CCDC88A: variants seen among roughly 807,000 people sequenced by gnomAD.
CCDC88A encodes the protein girdin.
CCDC88A carries 54 observed loss-of-function variants against 234.3 expected under a neutral mutation model. The ratio of observed to expected loss-of-function variants is 0.23; its 90% CI spans 0.19 to 0.29. CCDC88A has a LOEUF of 0.29. Ranked by LOEUF, CCDC88A falls within the 10% of genes least tolerant of loss-of-function variation. The pLI is 1.00. For synonymous variants in CCDC88A, 753 were observed against 737.8 expected, an observed-to-expected ratio of 1.02 and a Z score of -0.33; for missense variants, 1,832 against 2,123.4, an observed-to-expected ratio of 0.86 and a Z score of 2.70.
At chr2:55,315,295 C>T (rs9309264) in intron 22 of CCDC88A, 9,784 of 152,226 alleles carry the variant, frequency 0.064, 994 homozygotes, top group African/African-American at 0.21. Context: ...CTACCAGGCA[C>T]AGGAACCAGG....
At chr2:55,293,348 A>T (rs1279265727) in intron 31 of CCDC88A, among the ~76,000 whole-genome samples, 1 of 152,204 alleles carries the variant, frequency 6.6e-6, no homozygotes, top group Non-Finnish European at 1.5e-5. Flanking sequence ...ACAAAAGGGA[A>T]AATATTAGCA....
In CCDC88A at chr2:55,319,015, A is replaced by C. The variant is rs916527928; in HGVS notation, c.3163-11T>G. ...TTGCAGTGTAGCATTCTTGAAAAAC[A>C]AAAACCAAAACCAAACATATTAACA... On this transcript the variant is annotated splice_polypyrimidine_tract_variant and intron_variant, in intron 18 of 32. Coordinates refer to ENST00000436346, the MANE Select transcript of CCDC88A (RefSeq NM_001365480.1). 13 of 1,607,580 alleles carry C rather than the reference A, an allele frequency of 8.1e-6. No homozygotes were observed. Among genetic ancestry groups the C allele is most frequent in the Middle Eastern group, 1.7e-4 (1 of 6,028 alleles).
intron 28 of CCDC88A, chr2:55,300,574 A>T (rs1356066732): frequency 6.6e-6 from 1 of 152,476 alleles, no homozygotes. Flanking sequence ...GCAATGACAC[A>T]ATCTTGGCTC....
In CCDC88A at chr2:55,288,323, T is replaced by TAA. The variant is rs1679207976; in HGVS notation, c.*2875_*2876dup. ...GCTCCTTTTGTATTCATTCAAGACTTAAAGAAAAAATACATCTCAGGACTA... is the reference window on the plus strand; with the variant it reads ...GCTCCTTTTGTATTCATTCAAGACTTAAAAAGAAAAAATACATCTCAGGACTA... On this transcript the variant is annotated 3_prime_UTR_variant, in exon 33 of 33. Coordinates refer to ENST00000436346, the MANE Select transcript of CCDC88A (RefSeq NM_001365480.1). 6.6e-6 allele frequency: 1 copy of TAA among 152,494 alleles called. No homozygotes were observed. The highest frequency in any genetic ancestry group is 1.5e-5 in the Non-Finnish European group (1 of 67,978). The allele number at this position is 152,494 out of a possible 1,614,324, so 9.4% of individuals were successfully genotyped here. A position where few individuals can be genotyped will look rare whatever the true frequency, so the allele number is the denominator to read the frequency against.
At chr2:55,399,013 A>T (rs987091110) in intron 2 of CCDC88A, among the ~76,000 whole-genome samples, 22 of 152,212 alleles carry the variant, frequency 1.4e-4, no homozygotes, top group African/African-American at 5.1e-4. Context: ...TAAATATTAT[A>T]TAGTTATAAT....
At chr2:55,384,545 A>G (rs74197634) in intron 3 of CCDC88A, among the ~76,000 whole-genome samples, 809 of 31,300 alleles carry the variant, frequency 0.026, 140 homozygotes, top group East Asian at 0.053. Flanking sequence ...ATATACGTAT[A>G]TATGTGTATA....
Position 55,334,394 on chromosome 2 carries a change from T to A in CCDC88A, c.2427A>T (p.Arg809Ser), listed in dbSNP as rs751536746. Residue 809 changes from arginine (R) to serine (S), a missense_variant, in exon 15 of 33, where the codon AGA (arginine) becomes AGT (serine). Physicochemically the swap from Arg to Ser is moderately radical, Grantham distance 110. Coordinates refer to ENST00000436346, the MANE Select transcript of CCDC88A (RefSeq NM_001365480.1). This position sits in a 1 kb window ranked among gnomAD's most constrained non-coding sequence, Gnocchi z 6.1. ...NLEELKISSK[R>S]LEQLEKENKS... is the part of the protein sequence containing the mutation. ...TATTTTCTTTTTCCAGCTGTTCTAGTCTTTTGCTAGATATTTTTAGTTCTT... is the reference window on the plus strand; with the variant it reads ...TATTTTCTTTTTCCAGCTGTTCTAGACTTTTGCTAGATATTTTTAGTTCTT... 5 of 1,579,052 alleles carry A rather than the reference T, an allele frequency of 3.2e-6. No homozygotes were observed. Among genetic ancestry groups the A allele is most frequent in the Non-Finnish European group, 4.3e-6 (5 of 1,170,826 alleles).
At chr2:55,352,982 A>C (rs2104754021) in intron 8 of CCDC88A, among the ~76,000 whole-genome samples, 1 of 152,320 alleles carries the variant, frequency 6.6e-6, no homozygotes, top group South Asian at 2.1e-4. Context: ...TTTTAATAAT[A>C]GAAGAAATCC....
intron 25 of CCDC88A, among the ~76,000 whole-genome samples, chr2:55,306,757 G>C (rs1006705002): frequency 1.3e-5 from 2 of 152,008 alleles, no homozygotes; most frequent in Non-Finnish European, 2.9e-5. Context: ...TGGATTTTTA[G>C]TAGACACGAA....
rs1458389638 is a variant in CCDC88A at position 55,309,927 on chromosome 2, CTATA to C, written c.4080-677_4080-674del. Among the ~76,000 whole-genome samples the C allele has an allele frequency of 6.6e-6, 1 of 151,812 alleles. No homozygotes were observed. Among genetic ancestry groups the C allele is most frequent in the Non-Finnish European group, 1.5e-5 (1 of 67,988 alleles). On this transcript the variant is annotated intron_variant, in intron 23 of 32. Transcript: ENST00000436346. This position sits in a 1 kb window ranked among gnomAD's most constrained non-coding sequence, Gnocchi z 5.1. ...GTGTGTGTGTATATATATAAAATGACTATATAATCCAAGGTAGTAGCAGTACCAA... is the reference window on the plus strand; with the variant it reads ...GTGTGTGTGTATATATATAAAATGACTAATCCAAGGTAGTAGCAGTACCAA...
At chr2:55,342,966 G>T (rs1043835043) in intron 12 of CCDC88A, among the ~76,000 whole-genome samples, 1 of 152,054 alleles carries the variant, frequency 6.6e-6, no homozygotes, top group African/African-American at 2.4e-5. Flanking sequence ...CCTAACTGGT[G>T]AATTTTTTTG....
intron 22 of CCDC88A, 165 bp from the exon 23 acceptor site, chr2:55,312,744 A>T: frequency 1.8e-6 from 1 of 541,170 alleles, no homozygotes; most frequent in Non-Finnish European, 3.3e-6. Context: ...CACCTACAGC[A>T]CTGGGTTACA....
At chr2:55,400,718 T>C (rs1678466037) in intron 2 of CCDC88A, among the ~76,000 whole-genome samples, 1 of 152,228 alleles carries the variant, frequency 6.6e-6, no homozygotes, top group South Asian at 2.1e-4. Context: ...AGAAATCTGA[T>C]AGCTTTAATG....
chr2:55,392,691 C>T (rs946599688), intron 2 of CCDC88A, among the ~76,000 whole-genome samples: 2 of 152,166 alleles, frequency 1.3e-5, no homozygotes, highest in African/African-American at 2.4e-5. Context: ...CTTTCTTATT[C>T]TAACAGGTTG....
chr2:55,358,755 T>TA (rs1481626811), intron 7 of CCDC88A, among the ~76,000 whole-genome samples: 10 of 151,652 alleles, frequency 6.6e-5, no homozygotes, highest in Non-Finnish European at 2.9e-5. Context: ...TCTTCAAAGA[T>TA]ATACAAGTTT....
chr2:55,330,862 A>C (rs551274711), intron 16 of CCDC88A, among the ~76,000 whole-genome samples: 6 of 152,198 alleles, frequency 3.9e-5, no homozygotes, highest in Admixed American at 3.9e-4. Flanking sequence ...ATTGCTCAGC[A>C]TACTTTTGTG....
At chr2:55,369,509 T>C (rs1388938871) in intron 5 of CCDC88A, among the ~76,000 whole-genome samples, 6 of 150,232 alleles carry the variant, frequency 4.0e-5, no homozygotes, top group Non-Finnish European at 8.9e-5. Flanking sequence ...TAGAGTGCAG[T>C]GGAGCCATCT....
intron 2 of CCDC88A, among the ~76,000 whole-genome samples, chr2:55,413,560 T>G (rs1489911830): frequency 6.6e-6 from 1 of 152,200 alleles, no homozygotes; most frequent in Non-Finnish European, 1.5e-5. Flanking sequence ...GGCTGTATTA[T>G]TCAATCATTC....
chr2:55,299,681 T>C, intron 29 of CCDC88A, 158 bp downstream of exon 29: 1 of 563,348 alleles, frequency 1.8e-6, no homozygotes. Flanking sequence ...TGAAATACAT[T>C]TGTATTACAA....
Sources: allele counts gnomAD v4.1 joint callset (sites outside exome capture counted in the v4.1 genomes callset), GRCh38; gene constraint gnomAD v4.1.1; non-coding constraint Gnocchi (gnomAD v3.1); transcripts MANE v1.5; gene names NCBI Gene and HGNC (gene_info 2026-07-23, HGNC 2026-07-21).